The following MCC variants were observed in gnomAD, a reference collection of about 807,000 sequenced individuals.
MCC encodes MCC regulator of Wnt signaling pathway.
In MCC, 90 loss-of-function variants were observed where a neutral mutation model predicts 116.2. The observed-to-expected ratio is 0.77, with a 90% CI of 0.65 to 0.92. The LOEUF (loss-of-function observed/expected upper bound fraction) is 0.92, where lower values mean the gene tolerates loss of function less well. Among genes scored for constraint, MCC ranks in the 40% least tolerant of loss-of-function variants. MCC has a pLI of 0.00. For missense variants in MCC, 1,516 were observed against 1,312.2 expected, an observed-to-expected ratio of 1.16 and a Z score of -2.40; for synonymous variants, 578 against 510.5, an observed-to-expected ratio of 1.13 and a Z score of -1.78.
chr5:113,026,455 T>A lies in MCC; in HGVS notation c.*847A>T, dbSNP rs1750557735. On this transcript the variant is annotated 3_prime_UTR_variant, in exon 19 of 19. Transcript: ENST00000408903. ...GGAAGTGCTAATAATGTTTCTCAGCTCTTGAAGAAACCCCTGACAGAATTT... is the reference window on the plus strand; with the variant it reads ...GGAAGTGCTAATAATGTTTCTCAGCACTTGAAGAAACCCCTGACAGAATTT... The A allele has an allele frequency of 6.6e-6, 1 of 152,190 alleles. No individual in the cohort carries two copies. Among genetic ancestry groups the A allele is most frequent in the South Asian group, 2.1e-4 (1 of 4,818 alleles). 9.4% of individuals were successfully genotyped at this position (152,190 alleles called of 1,614,324 possible).
At chr5:113,119,402 C>G (rs3922584) in intron 6 of MCC, among the ~76,000 whole-genome samples, 5 of 151,874 alleles carry the variant, frequency 3.3e-5, no homozygotes, top group African/African-American at 1.2e-4. Context: ...AGACAGCTGC[C>G]GAGGAAGGAG....
Position 113,488,453 on chromosome 5 carries a change from C to T in MCC, c.-39G>A, listed in dbSNP as rs1164639523. 2.9e-6 allele frequency: 4 copies of T among 1,390,766 alleles called. No homozygotes were observed. Among genetic ancestry groups the T allele is most frequent in the Non-Finnish European group, 3.7e-6 (4 of 1,086,368 alleles). 86.2% of individuals were successfully genotyped at this position (1,390,766 alleles called of 1,614,324 possible). ...ACTTGGGAGGAGGAGTACGCGCGAC[C>T]GCAGCTGGAATCCGCGCGGCGCGCA... On this transcript the variant is annotated 5_prime_UTR_variant, in exon 1 of 19. Coordinates refer to ENST00000408903, the MANE Select transcript of MCC (RefSeq NM_001085377.2).
intron 2 of MCC, among the ~76,000 whole-genome samples, chr5:113,369,037 T>C (rs1322542245): frequency 6.6e-6 from 1 of 152,166 alleles, no homozygotes; most frequent in Non-Finnish European, 1.5e-5. Context: ...AAGAGATGCA[T>C]GGGTAAGGCA....
intron 3 of MCC, among the ~76,000 whole-genome samples, chr5:113,165,181 G>A (rs1359153773): frequency 6.6e-6 from 1 of 152,206 alleles, no homozygotes; most frequent in African/African-American, 2.4e-5. Flanking sequence ...AGACCAGAAT[G>A]AAATCTGGTG....
intron 17 of MCC, among the ~76,000 whole-genome samples, chr5:113,029,416 C>A (rs1320516355): frequency 6.6e-6 from 1 of 150,888 alleles, no homozygotes; most frequent in African/African-American, 2.4e-5. Flanking sequence ...CGTCTGTCTC[C>A]ATCCCCTTCT....
At chr5:113,129,763 T>C (rs904799332) in intron 5 of MCC, among the ~76,000 whole-genome samples, 2 of 152,128 alleles carry the variant, frequency 1.3e-5, no homozygotes, top group East Asian at 1.9e-4. Context: ...ATTAAAGAAA[T>C]GCAAATCAAA....
intron 1 of MCC, among the ~76,000 whole-genome samples, chr5:113,421,970 A>G (rs1770348934): frequency 6.6e-6 from 1 of 152,214 alleles, no homozygotes; most frequent in African/African-American, 2.4e-5. Flanking sequence ...ATTGCTTCAT[A>G]TAAATGTTTT....
intron 3 of MCC, among the ~76,000 whole-genome samples, chr5:113,221,783 G>A (rs572400450): frequency 6.6e-6 from 1 of 152,180 alleles, no homozygotes; most frequent in South Asian, 2.1e-4. Context: ...CAGAACTCCC[G>A]ATTCACTGCC....
Position 113,102,217 on chromosome 5 carries a change from C to T in MCC, c.1192-272G>A, listed in dbSNP as rs539139709. Among the ~76,000 whole-genome samples, 3 of 152,198 alleles carry T rather than the reference C, an allele frequency of 2.0e-5. No homozygotes were observed. The South Asian group carries it at 6.2e-4, about 32-fold the overall frequency. On this transcript the variant is annotated intron_variant, in intron 7 of 18. Coordinates refer to ENST00000408903, the MANE Select transcript of MCC (RefSeq NM_001085377.2). ...GTCCTCTCCTGGCAGCTGAGTCTGT[C>T]TGTGGTGCTAGCTGACACATCCACA...
chr5:113,276,823 T>G (rs1765844798), intron 3 of MCC, among the ~76,000 whole-genome samples: 1 of 134,280 alleles, frequency 7.4e-6, no homozygotes, highest in Non-Finnish European at 1.6e-5. Context: ...TTTTTTTTTG[T>G]AGAGATGGTC....
intron 12 of MCC, 58 bp downstream of exon 12, chr5:113,071,036 G>A: frequency 1.9e-6 from 3 of 1,560,936 alleles, no homozygotes; most frequent in Non-Finnish European, 1.7e-6. Flanking sequence ...TATTCTGAAG[G>A]TTACTCTGGA....
At chr5:113,229,852 A>G (rs1763878315) in intron 3 of MCC, among the ~76,000 whole-genome samples, 1 of 152,230 alleles carries the variant, frequency 6.6e-6, no homozygotes, top group African/African-American at 2.4e-5. Context: ...CATATGGCCT[A>G]GATGTGTAGT....
At chr5:113,444,911 G>A (rs1441728518) in intron 1 of MCC, among the ~76,000 whole-genome samples, 3 of 152,188 alleles carry the variant, frequency 2.0e-5, no homozygotes, top group Non-Finnish European at 4.4e-5. Context: ...TATAAAGGAA[G>A]TATTCCTCTA....
At chr5:113,419,634 A>G (rs1006746026) in intron 1 of MCC, among the ~76,000 whole-genome samples, 1 of 152,034 alleles carries the variant, frequency 6.6e-6, no homozygotes, top group Non-Finnish European at 1.5e-5. Context: ...ATGTCCAACA[A>G]TGATAGACTG....
At chr5:113,102,015 C>G in intron 7 of MCC, 70 bp from the exon 8 acceptor site, 1 of 1,467,018 alleles carries the variant, frequency 6.8e-7, no homozygotes, top group Non-Finnish European at 9.5e-7. Context: ...AGAAAATAGG[C>G]TGAACAGGAA....
At chr5:113,219,619 G>A (rs568930559) in intron 3 of MCC, among the ~76,000 whole-genome samples, 43 of 152,280 alleles carry the variant, frequency 2.8e-4, no homozygotes, top group Non-Finnish European at 4.6e-4. Flanking sequence ...TTGGAGGACC[G>A]TATAATGAAT....
At chr5:113,171,809 T>C (rs148773233) in intron 3 of MCC, among the ~76,000 whole-genome samples, 1 of 152,214 alleles carries the variant, frequency 6.6e-6, no homozygotes, top group African/African-American at 2.4e-5. Context: ...TACGAAGAGC[T>C]TCAGTGATAT....
chr5:113,094,989 A>C (rs1050091556), intron 8 of MCC, among the ~76,000 whole-genome samples: 6 of 151,624 alleles, frequency 4.0e-5, no homozygotes, highest in African/African-American at 1.5e-4. Flanking sequence ...TCCCCCTAAA[A>C]CTCCCTCAGT....
At chr5:113,143,118 A>G (rs1759276897) in intron 5 of MCC, 100 bp downstream of exon 5, 2 of 1,290,320 alleles carry the variant, frequency 1.5e-6, no homozygotes, top group Middle Eastern at 2.5e-4. Flanking sequence ...TCTACAAACT[A>G]GAACTTCGGT....
Sources: allele counts gnomAD v4.1 joint callset (sites outside exome capture counted in the v4.1 genomes callset), GRCh38; gene constraint gnomAD v4.1.1; transcripts MANE v1.5; gene names NCBI Gene and HGNC (gene_info 2026-07-23, HGNC 2026-07-21).